The following DHTKD1 variants were observed in gnomAD, a reference collection of about 807,000 sequenced individuals.
DHTKD1 encodes the protein 2-oxoadipate dehydrogenase complex component E1.
Under a neutral mutation model 101.8 loss-of-function variants are expected in DHTKD1, and 78 were observed. That is an observed-to-expected ratio of 0.77 (90% confidence interval 0.64 to 0.93). The LOEUF (loss-of-function observed/expected upper bound fraction) is 0.93, where lower values mean the gene tolerates loss of function less well. Among genes scored for constraint, DHTKD1 ranks in the 40% least tolerant of loss-of-function variants. The pLI, the probability that DHTKD1 is intolerant of heterozygous loss-of-function variation, is 0.00. For missense variants in DHTKD1, 1,223 were observed against 1,161.7 expected (o/e 1.05, Z -0.77); for synonymous variants, 462 against 450.3 (o/e 1.03, Z -0.33).
intron 6 of DHTKD1, among the ~76,000 whole-genome samples, chr10:12,092,294 T>C (rs1833002849): frequency 6.6e-6 from 1 of 152,048 alleles, no homozygotes; most frequent in African/African-American, 2.4e-5. Context: ...ATCAGTGTGA[T>C]TTTTAAATCC....
chr10:12,110,368 A>G lies in DHTKD1; in HGVS notation c.2154+2353A>G, dbSNP rs1185549746. Among the ~76,000 whole-genome samples the G allele has an allele frequency of 6.6e-6, 1 of 150,890 alleles. No individual in the cohort carries two copies. Among genetic ancestry groups the G allele is most frequent in the South Asian group, 2.1e-4 (1 of 4,794 alleles). On this transcript the variant is annotated intron_variant, in intron 12 of 16. Transcript: ENST00000263035. The surrounding 1 kb of genome is among the most constrained non-coding windows in gnomAD (Gnocchi z 4.9). ...ACATTATTTGTGATTTTTTTTTTTTACCTTATTAGCCATTGTTAGTGTTAG... is the reference window on the plus strand; with the variant it reads ...ACATTATTTGTGATTTTTTTTTTTTGCCTTATTAGCCATTGTTAGTGTTAG...
Position 12,120,674 on chromosome 10 carries a change from G to T in DHTKD1, c.2659-113G>T, listed in dbSNP as rs982570249. 3.4e-6 allele frequency: 3 copies of T among 881,822 alleles called. No homozygotes were observed. In the African/African-American group the frequency reaches 4.9e-5, roughly 15 times the overall value. 54.6% of individuals were successfully genotyped at this position (881,822 alleles called of 1,614,324 possible). A position where few individuals can be genotyped will look rare whatever the true frequency, so the allele number is the denominator to read the frequency against. On this transcript the variant is annotated intron_variant, in intron 16 of 16. Transcript: ENST00000263035. ...TCTGCGTAACTCATTATTTGAAAGA[G>T]GTGATTTATGGTTAAACAAGCTAAG...
intron 10 of DHTKD1, among the ~76,000 whole-genome samples, chr10:12,105,299 C>A (rs749853522): frequency 4.6e-5 from 7 of 151,770 alleles, no homozygotes; most frequent in Admixed American, 4.6e-4. Flanking sequence ...TTTTAACTTT[C>A]CTCACTTTGT....
Position 12,094,045 on chromosome 10 carries a change from T to G in DHTKD1, c.1160-28T>G, listed in dbSNP as rs768983753. Reference sequence around the variant, plus strand: ...CAGTGTCATTCTGGGTTAACTGTCCTGTTTCGGCTTGGTCTTCTGTCCTTC... The same window carrying G: ...CAGTGTCATTCTGGGTTAACTGTCCGGTTTCGGCTTGGTCTTCTGTCCTTC... On this transcript the variant is annotated intron_variant, in intron 6 of 16. Coordinates refer to ENST00000263035, the MANE Select transcript of DHTKD1 (RefSeq NM_018706.7). 2.1e-5 allele frequency: 34 copies of G among 1,597,318 alleles called. 1 individual carries two copies. In the Middle Eastern group the frequency reaches 7.3e-4, roughly 34 times the overall value.
chr10:12,121,766 TAAAAG>T lies in DHTKD1; in HGVS notation c.*879_*883del, dbSNP rs1833531157. On this transcript the variant is annotated 3_prime_UTR_variant, in exon 17 of 17. Transcript: ENST00000263035. Reference sequence around the variant, plus strand: ...CAGAGCAAGACTCCATCTCATAAATTAAAAGGAAAGTATGATAGTGTTATGGATTT... The same window carrying T: ...CAGAGCAAGACTCCATCTCATAAATTGAAAGTATGATAGTGTTATGGATTT... 1 of 152,094 alleles carries T rather than the reference TAAAAG, an allele frequency of 6.6e-6. No homozygotes were observed. Among genetic ancestry groups the T allele is most frequent in the Non-Finnish European group, 1.5e-5 (1 of 68,008 alleles). The allele number at this position is 152,094 out of a possible 1,614,324, so 9.4% of individuals were successfully genotyped here. A position where few individuals can be genotyped will look rare whatever the true frequency, so the allele number is the denominator to read the frequency against.
chr10:12,106,446 C>T (rs769516435), intron 11 of DHTKD1, 50 bp downstream of exon 11: 2 of 1,604,682 alleles, frequency 1.2e-6, no homozygotes, highest in Non-Finnish European at 1.7e-6. Flanking sequence ...CTGCGTGGCC[C>T]CAGCCTCGTG....
intron 5 of DHTKD1, among the ~76,000 whole-genome samples, chr10:12,090,676 A>G (rs777979218): frequency 5.3e-5 from 8 of 152,006 alleles, no homozygotes; most frequent in Non-Finnish European, 1.2e-4. Flanking sequence ...TTGTGGAGAC[A>G]TGATCTTGCT....
intron 8 of DHTKD1, 40 bp from the exon 9 acceptor site, chr10:12,100,138 T>G (rs1459694519): frequency 4.1e-6 from 5 of 1,209,632 alleles, no homozygotes; most frequent in Non-Finnish European, 4.7e-6. Context: ...GGAAATGGAC[T>G]CTTAGACGTT....
At chr10:12,120,712 A>G (rs773126104) in intron 16 of DHTKD1, 75 bp from the exon 17 acceptor site, 515 of 1,212,038 alleles carry the variant, frequency 4.2e-4, no homozygotes, top group Non-Finnish European at 5.7e-4. Context: ...AAATACATGC[A>G]CTGTCTTGTT....
intron 9 of DHTKD1, 24 bp from the exon 10 acceptor site, chr10:12,101,018 C>CA: frequency 6.2e-7 from 1 of 1,601,292 alleles, no homozygotes; most frequent in Non-Finnish European, 8.5e-7. Context: ...GGGAATCTGA[C>CA]TTTTTTTTTC....
At chr10:12,074,211 ACT>A (rs1418773695) in intron 1 of DHTKD1, among the ~76,000 whole-genome samples, 1 of 149,304 alleles carries the variant, frequency 6.7e-6, no homozygotes, top group Non-Finnish European at 1.5e-5. Flanking sequence ...TCTTTGAGAC[ACT>A]CTGTGTCGCC....
intron 4 of DHTKD1, among the ~76,000 whole-genome samples, chr10:12,088,541 G>C (rs1564391185): frequency 6.6e-6 from 1 of 151,894 alleles, no homozygotes; most frequent in Non-Finnish European, 1.5e-5. Context: ...AGACAGTTTA[G>C]TTAATTGACA....
At chr10:12,091,996 G>T in intron 6 of DHTKD1, among the ~76,000 whole-genome samples, 1 of 146,872 alleles carries the variant, frequency 6.8e-6, no homozygotes. Context: ...TTTTTTAGAT[G>T]GAGTCTTGCT....
rs146239783 is a variant in DHTKD1 at position 12,090,922 on chromosome 10, C to T, written c.988-591C>T. Among the ~76,000 whole-genome samples the T allele has an allele frequency of 5.0e-3, 759 of 152,156 alleles. 8 individuals are homozygous for T. The highest frequency in any genetic ancestry group is 0.017 in the African/African-American group (725 of 41,536). On this transcript the variant is annotated intron_variant, in intron 5 of 16. Coordinates refer to ENST00000263035, the MANE Select transcript of DHTKD1 (RefSeq NM_018706.7). ...TGAGCTGATCTTAAGATTGTGGTGG[C>T]GGGCGCCTGTAGTCCCAGCTACTCG...
At chr10:12,085,242 G>A (rs147317144) in intron 3 of DHTKD1, among the ~76,000 whole-genome samples, 50 of 151,814 alleles carry the variant, frequency 3.3e-4, no homozygotes, top group African/African-American at 1.1e-3. Flanking sequence ...CCTGGGAGGT[G>A]GAGGCTGCAG....
intron 8 of DHTKD1, among the ~76,000 whole-genome samples, chr10:12,098,524 T>G (rs2131365841): frequency 6.6e-6 from 1 of 152,310 alleles, no homozygotes; most frequent in Non-Finnish European, 1.5e-5. Flanking sequence ...TGTCTTTTTC[T>G]TTCTTAAGCT....
intron 5 of DHTKD1, among the ~76,000 whole-genome samples, 172 bp downstream of exon 5, chr10:12,089,427 T>G (rs989897142): frequency 1.3e-5 from 2 of 152,210 alleles, no homozygotes; most frequent in African/African-American, 4.8e-5. Context: ...AGGTTTAGTC[T>G]TCAGGCAACT....
At chr10:12,071,382 C>T (rs1832648103) in intron 1 of DHTKD1, among the ~76,000 whole-genome samples, 1 of 152,226 alleles carries the variant, frequency 6.6e-6, no homozygotes, top group Admixed American at 6.5e-5. Context: ...GTAGCAGTCT[C>T]TGCCACAGAG....
In DHTKD1 at chr10:12,094,085, G is replaced by A; in HGVS notation, c.1172G>A (p.Gly391Asp). The A allele has an allele frequency of 1.2e-6, 2 of 1,613,992 alleles. No homozygotes were observed. Among genetic ancestry groups the A allele is most frequent in the Non-Finnish European group, 1.7e-6 (2 of 1,179,948 alleles). The change falls in exon 7 of 17, where the codon GGC becomes GAC. Residue 391 changes from glycine to aspartate, a missense_variant. Coordinates refer to ENST00000263035, the MANE Select transcript of DHTKD1 (RefSeq NM_018706.7). Reference sequence around the variant, plus strand: ...TTCTGTCCTTCAGGGAAGCTTGTGGGCTGTGCCATCATCCATGTCAATGGA... The same window carrying A: ...TTCTGTCCTTCAGGGAAGCTTGTGGACTGTGCCATCATCCATGTCAATGGA... ...LYCSDIGKLV[G>D]CAIIHVNGDS... is the part of the protein sequence containing the mutation.
Sources: allele counts gnomAD v4.1 joint callset (sites outside exome capture counted in the v4.1 genomes callset), GRCh38; gene constraint gnomAD v4.1.1; non-coding constraint Gnocchi (gnomAD v3.1); transcripts MANE v1.5; gene names NCBI Gene and HGNC (gene_info 2026-07-23, HGNC 2026-07-21).